Variants in CLDN18 observed in about 807,000 individuals in gnomAD.
CLDN18 encodes the protein claudin-18.
A neutral mutation model predicts 25.0 loss-of-function variants in CLDN18; 20 were observed. The ratio of observed to expected loss-of-function variants is 0.80; its 90% CI spans 0.56 to 1.16. The LOEUF (loss-of-function observed/expected upper bound fraction) is 1.16, where lower values mean the gene tolerates loss of function less well. Ranked by LOEUF, CLDN18 falls within the 50% of genes most tolerant of loss-of-function variation. CLDN18 has a pLI of 0.00. For synonymous variants in CLDN18, 125 were observed against 135.6 expected, an observed-to-expected ratio of 0.92 and a Z score of 0.54; for missense variants, 297 against 345.4, an observed-to-expected ratio of 0.86 and a Z score of 1.11.
At chr3:138,004,455 AC>A (rs1005281665) in intron 1 of CLDN18, among the ~76,000 whole-genome samples, 22 of 152,240 alleles carry the variant, frequency 1.4e-4, no homozygotes, top group East Asian at 1.9e-4. Flanking sequence ...GACAAAAAAA[AC>A]GAAAGTTTTT....
At chr3:138,007,549 G>A (rs185287436), upstream of CLDN18, among the ~76,000 whole-genome samples, 73 of 151,294 alleles carry the variant, frequency 4.8e-4, no homozygotes, top group Admixed American at 1.3e-3. Flanking sequence ...GTCGGGGGTC[G>A]GGGGGGTGAG....
chr3:138,026,297 G>A (rs1256714004), intron 3 of CLDN18, among the ~76,000 whole-genome samples: 1 of 152,206 alleles, frequency 6.6e-6, no homozygotes. Flanking sequence ...AGTCTGCAAG[G>A]TGTTTTGTAT....
chr3:138,000,138 C>T (rs1942000550), intron 1 of CLDN18, among the ~76,000 whole-genome samples: 1 of 152,154 alleles, frequency 6.6e-6, no homozygotes, highest in Admixed American at 6.5e-5. Flanking sequence ...TTTATACATT[C>T]AACACTTATT....
At position 138,031,290 on chromosome 3, in the gene CLDN18, C is replaced by G; in HGVS notation, c.*149C>G. ...TTCATCTTTGGAGAGGCCAAATGGTCTTAGCCTCAGTCTCTGTCTCTAAAT... is the reference window on the plus strand; with the variant it reads ...TTCATCTTTGGAGAGGCCAAATGGTGTTAGCCTCAGTCTCTGTCTCTAAAT... On this transcript the variant is annotated 3_prime_UTR_variant, in exon 5 of 5. Coordinates refer to ENST00000183605, the MANE Select transcript of CLDN18 (RefSeq NM_016369.4). The G allele has an allele frequency of 1.7e-6, 1 of 574,360 alleles. No homozygotes were observed. The highest frequency in any genetic ancestry group is 3.4e-5 in the Admixed American group (1 of 29,738). The allele number at this position is 574,360 out of a possible 1,614,324, so 35.6% of individuals were successfully genotyped here.
At chr3:138,024,165 A>G (rs940127580) in intron 2 of CLDN18, among the ~76,000 whole-genome samples, 1 of 151,492 alleles carries the variant, frequency 6.6e-6, no homozygotes, top group Admixed American at 6.6e-5. Flanking sequence ...AAATTTTTTT[A>G]TTAAAAAAAA....
At chr3:138,009,965 G>A (rs909842880), upstream of CLDN18, 12 of 487,030 alleles carry the variant, frequency 2.5e-5, no homozygotes, top group African/African-American at 2.3e-4. Context: ...CTGCTCCCTG[G>A]CACGGCTCTG....
chr3:138,033,148 G>GC lies in CLDN18; in HGVS notation c.*2011dup, dbSNP rs1385907688. The GC allele has an allele frequency of 6.6e-6, 1 of 152,226 alleles. No individual in the cohort carries two copies. The highest frequency in any genetic ancestry group is 6.5e-5 in the Admixed American group (1 of 15,276). The allele number at this position is 152,226 out of a possible 1,614,324, so 9.4% of individuals were successfully genotyped here. On this transcript the variant is annotated 3_prime_UTR_variant, in exon 5 of 5. Transcript: ENST00000183605. ...TATGTCTGGGGAAAGAACGGATTAT[G>GC]CCCCATTAAATAACAAGTTGTGTTC...
intron 1 of CLDN18, among the ~76,000 whole-genome samples, chr3:138,020,933 G>C (rs983281096): frequency 6.6e-6 from 1 of 152,186 alleles, no homozygotes; most frequent in Admixed American, 6.5e-5. Flanking sequence ...TGATGGAAAA[G>C]TAATGATTTT....
rs2107887741 is a variant in CLDN18 at position 138,024,677 on chromosome 3, T to G, written c.456T>G (p.Ala152=). 6.2e-7 allele frequency: 1 copy of G among 1,613,806 alleles called. No homozygotes were observed. The highest frequency in any genetic ancestry group is 2.2e-5 in the East Asian group (1 of 44,880). The stretch of plus-strand genomic sequence containing the variant: ...TGACTAACTTCTGGATGTCCACAGC[T>G]AACATGTACACCGGCATGGGTGGGA... The part of the protein sequence containing the change: ...MLVTNFWMST[A]NMYTGMGGMV... The change falls in exon 3 of 5, where the codon GCT becomes GCG. Residue 152 remains alanine, a synonymous_variant. Coordinates refer to ENST00000183605, the MANE Select transcript of CLDN18 (RefSeq NM_016369.4).
chr3:138,016,940 C>T (rs1411912375), intron 1 of CLDN18, among the ~76,000 whole-genome samples: 1 of 152,014 alleles, frequency 6.6e-6, no homozygotes. Context: ...CCTCTAGTCC[C>T]AGCTACTAGG....
chr3:138,027,178 T>A (rs1341727043), intron 3 of CLDN18, among the ~76,000 whole-genome samples: 1 of 152,224 alleles, frequency 6.6e-6, no homozygotes, highest in Non-Finnish European at 1.5e-5. Context: ...GCCCTCATTC[T>A]CATATGACCT....
At chr3:138,018,778 A>G (rs1224279391) in intron 1 of CLDN18, among the ~76,000 whole-genome samples, 2 of 152,224 alleles carry the variant, frequency 1.3e-5, no homozygotes, top group Admixed American at 1.3e-4. Context: ...GCAGAGGTGA[A>G]GAGGAAGGTC....
chr3:137,999,000 C>G, exon 1 of CLDN18: 2 of 1,614,214 alleles, frequency 1.2e-6, no homozygotes, highest in Non-Finnish European at 1.7e-6. Context: ...CAGCTGTTTT[C>G]AACTACCAGG....
intron 1 of CLDN18, among the ~76,000 whole-genome samples, chr3:138,013,957 C>T (rs1942171292): frequency 6.8e-6 from 1 of 147,588 alleles, no homozygotes; most frequent in South Asian, 2.2e-4. Flanking sequence ...AATTCCCTAA[C>T]ATTTAATAAC....
exon 1 of CLDN18, chr3:137,999,057 C>T: frequency 6.2e-7 from 1 of 1,614,138 alleles, no homozygotes; most frequent in Non-Finnish European, 8.5e-7. Context: ...TCACCGAGTG[C>T]CGGGGCTACT....
chr3:138,027,904 C>G (rs78063676), intron 3 of CLDN18, among the ~76,000 whole-genome samples: 3,263 of 152,188 alleles, frequency 0.021, 116 homozygotes, highest in African/African-American at 0.065. Flanking sequence ...AAGGCAGAAG[C>G]CCTTAAACCA....
chr3:138,017,064 A>C (rs1398175786), intron 1 of CLDN18, among the ~76,000 whole-genome samples: 1 of 151,638 alleles, frequency 6.6e-6, no homozygotes, highest in Non-Finnish European at 1.5e-5. Context: ...TCAAAAAAAA[A>C]AAACAAAGAA....
chr3:138,011,046 C>T (rs1177953313), intron 1 of CLDN18, among the ~76,000 whole-genome samples: 2 of 151,834 alleles, frequency 1.3e-5, no homozygotes, highest in African/African-American at 4.8e-5. Flanking sequence ...TATATTATGT[C>T]AGAATATAAA....
Position 138,031,374 on chromosome 3 carries a change from A to G in CLDN18, c.*233A>G. On this transcript the variant is annotated 3_prime_UTR_variant, in exon 5 of 5. Transcript: ENST00000183605. ...TTAGAGGCTATAGCTCACATTTTCAATCCTCTATTTCTTTTTTTAAATATA... is the reference window on the plus strand; with the variant it reads ...TTAGAGGCTATAGCTCACATTTTCAGTCCTCTATTTCTTTTTTTAAATATA... 2.7e-6 allele frequency: 1 copy of G among 370,460 alleles called. No individual in the cohort carries two copies. Among genetic ancestry groups the G allele is most frequent in the African/African-American group, 2.1e-5 (1 of 48,272 alleles). 22.9% of individuals were successfully genotyped at this position (370,460 alleles called of 1,614,324 possible).
Sources: gnomAD v4.1 joint callset for allele counts (sites outside exome capture counted in the v4.1 genomes callset) on GRCh38, gnomAD v4.1.1 for gene constraint, MANE v1.5 for transcripts, NCBI Gene and HGNC (gene_info 2026-07-23, HGNC 2026-07-21) for gene names.